The following STK32B variants were observed in gnomAD, a reference collection of about 807,000 sequenced individuals.
STK32B encodes the protein serine/threonine kinase 32B.
STK32B carries 43 observed loss-of-function variants against 52.6 expected under a neutral mutation model. That is an observed-to-expected ratio of 0.82 (90% CI 0.64 to 1.05). The LOEUF (loss-of-function observed/expected upper bound fraction) is 1.05. Ranked by LOEUF, STK32B falls within the 50% of genes least tolerant of loss-of-function variation. The pLI, the probability that STK32B is intolerant of heterozygous loss-of-function variation, is 0.00. For synonymous variants in STK32B, 238 were observed against 204.3 expected, an observed-to-expected ratio of 1.17 and a Z score of -1.41; for missense variants, 621 against 534.6, an observed-to-expected ratio of 1.16 and a Z score of -1.59.
chr4:5,349,819 T>C (rs1469809502), intron 4 of STK32B, among the ~76,000 whole-genome samples: 1 of 152,102 alleles, frequency 6.6e-6, no homozygotes, highest in African/African-American at 2.4e-5. Context: ...ATTCTGGAAC[T>C]GAAGAATTCA....
chr4:5,241,043 G>A (rs1486455382), intron 3 of STK32B, among the ~76,000 whole-genome samples: 3 of 151,916 alleles, frequency 2.0e-5, no homozygotes, highest in Admixed American at 2.0e-4. Flanking sequence ...CTGTTTTATT[G>A]TACACATTTT....
At chr4:5,265,989 A>T (rs1252735201) in intron 3 of STK32B, among the ~76,000 whole-genome samples, 2 of 152,304 alleles carry the variant, frequency 1.3e-5, no homozygotes, top group African/African-American at 2.4e-5. Context: ...GTACATAAAA[A>T]TTTTCACTTA....
chr4:5,139,139 G>C (rs1203308096), intron 1 of STK32B, among the ~76,000 whole-genome samples: 1 of 152,180 alleles, frequency 6.6e-6, no homozygotes, highest in Non-Finnish European at 1.5e-5. Context: ...ACAGGTGTGA[G>C]ACACTGTGCA....
At chr4:5,322,941 G>A (rs1251456670) in intron 3 of STK32B, among the ~76,000 whole-genome samples, 6 of 152,210 alleles carry the variant, frequency 3.9e-5, no homozygotes. Context: ...TGATGATTGA[G>A]TACATGACAT....
At chr4:5,498,862 G>C (rs1577071160) in intron 11 of STK32B, 83 bp from the exon 12 acceptor site, 1 of 1,485,672 alleles carries the variant, frequency 6.7e-7, no homozygotes, top group East Asian at 2.5e-5. Flanking sequence ...CTCCACAGTT[G>C]CCCTGCCTGC....
At chr4:5,186,556 TTGG>T (rs988213888) in intron 3 of STK32B, among the ~76,000 whole-genome samples, 1 of 152,100 alleles carries the variant, frequency 6.6e-6, no homozygotes, top group Non-Finnish European at 1.5e-5. Flanking sequence ...TTATCGTGCT[TTGG>T]TGTCCTGGGT....
chr4:5,270,337 A>G (rs1727341194), intron 3 of STK32B, among the ~76,000 whole-genome samples: 1 of 152,156 alleles, frequency 6.6e-6, no homozygotes, highest in African/African-American at 2.4e-5. Context: ...GCACTGGAGA[A>G]AGATGTAGGC....
chr4:5,212,648 C>T (rs1164244774), intron 3 of STK32B, among the ~76,000 whole-genome samples: 1 of 152,206 alleles, frequency 6.6e-6, no homozygotes, highest in Non-Finnish European at 1.5e-5. Context: ...GGCCACCAGG[C>T]AATTTCTCCC....
At chr4:5,223,210 C>A (rs1723649850) in intron 3 of STK32B, among the ~76,000 whole-genome samples, 1 of 152,194 alleles carries the variant, frequency 6.6e-6, no homozygotes, top group East Asian at 1.9e-4. Context: ...GCAGAGTGAA[C>A]AAGCCATGGA....
chr4:5,061,510 C>A (rs1742216198), intron 1 of STK32B, among the ~76,000 whole-genome samples: 1 of 152,094 alleles, frequency 6.6e-6, no homozygotes. Flanking sequence ...CTCTAATTTG[C>A]CTTTTTGTAA....
intron 11 of STK32B, among the ~76,000 whole-genome samples, chr4:5,496,548 C>CCTGCTTCTGCTCGCGCTCGGTGCG (rs61698429): frequency 7.3e-6 from 1 of 137,920 alleles, no homozygotes; most frequent in African/African-American, 3.3e-5. Flanking sequence ...AATGCCTTGC[C>CCTGCTTCTGCTCGCGCTCGGTGCG]CTGCACCCAC....
intron 4 of STK32B, among the ~76,000 whole-genome samples, chr4:5,349,476 T>G (rs1374514190): frequency 2.0e-5 from 3 of 151,302 alleles, no homozygotes; most frequent in African/African-American, 7.3e-5. Flanking sequence ...ATACACATCT[T>G]TAGGAAAAAG....
chr4:5,293,586 C>A (rs1360003437), intron 3 of STK32B, among the ~76,000 whole-genome samples: 1 of 152,072 alleles, frequency 6.6e-6, no homozygotes, highest in Non-Finnish European at 1.5e-5. Context: ...TAAATGTCTT[C>A]TTTTGAGAAG....
chr4:5,460,110 C>A lies in STK32B; in HGVS notation c.791C>A (p.Thr264Asn). The change falls in exon 9 of 12, where the codon ACC (threonine) becomes AAC (asparagine). Residue 264 changes from threonine (T) to asparagine (N), a missense_variant. Thr to Asn is a moderately conservative substitution (Grantham distance 65, BLOSUM62 0). Coordinates refer to ENST00000282908, the MANE Select transcript of STK32B (RefSeq NM_018401.3). This position sits in a 1 kb window ranked among gnomAD's most constrained non-coding sequence, Gnocchi z 4.8. Reference sequence around the variant, plus strand: ...TTTGCCCTCTAACTGCAGCTCCTGACCAAGGATCCTGAGAGCCGCGTGTCC... The same window carrying A: ...TTTGCCCTCTAACTGCAGCTCCTGAACAAGGATCCTGAGAGCCGCGTGTCC... ...GMVALLRKLL[T>N]KDPESRVSSL... The A allele has an allele frequency of 6.2e-7, 1 of 1,614,220 alleles. No homozygotes were observed. Among genetic ancestry groups the A allele is most frequent in the East Asian group, 2.2e-5 (1 of 44,896 alleles).
intron 11 of STK32B, among the ~76,000 whole-genome samples, chr4:5,479,063 GT>G (rs1216127812): frequency 6.8e-6 from 1 of 147,464 alleles, no homozygotes; most frequent in East Asian, 1.9e-4. Flanking sequence ...ATCCCGGGGA[GT>G]TTTTTCTTTT....
intron 3 of STK32B, among the ~76,000 whole-genome samples, chr4:5,305,974 C>T (rs1729901497): frequency 6.6e-6 from 1 of 152,084 alleles, no homozygotes; most frequent in Admixed American, 6.6e-5. Flanking sequence ...AGTGATCATT[C>T]AGGAGCAGGT....
At chr4:5,134,042 G>C (rs1346534997) in intron 1 of STK32B, among the ~76,000 whole-genome samples, 1 of 152,104 alleles carries the variant, frequency 6.6e-6, no homozygotes, top group Non-Finnish European at 1.5e-5. Context: ...CAACAGATAG[G>C]ACCTCTCTCT....
At chr4:5,201,716 A>G (rs1412914077) in intron 3 of STK32B, among the ~76,000 whole-genome samples, 1 of 152,184 alleles carries the variant, frequency 6.6e-6, no homozygotes, top group Non-Finnish European at 1.5e-5. Flanking sequence ...GGAGCAAGGC[A>G]CATCTTACAT....
At chr4:5,455,148 T>C (rs3821932) in intron 7 of STK32B, among the ~76,000 whole-genome samples, 36,614 of 139,496 alleles carry the variant, frequency 0.26, 5,288 homozygotes, top group East Asian at 0.71. Flanking sequence ...CTCCAGGGCC[T>C]CCTGTTTGGT....
Sources: gnomAD v4.1 joint callset for allele counts (sites outside exome capture counted in the v4.1 genomes callset) on GRCh38, gnomAD v4.1.1 for gene constraint, Gnocchi (gnomAD v3.1) non-coding constraint, MANE v1.5 for transcripts, NCBI Gene and HGNC (gene_info 2026-07-23, HGNC 2026-07-21) for gene names.